The following RNGTT variants were observed in gnomAD, a reference collection of about 807,000 sequenced individuals.
RNGTT encodes the protein mRNA-capping enzyme.
In RNGTT, 33 loss-of-function variants were observed where a neutral mutation model predicts 79.3. The observed-to-expected ratio is 0.42, with a 90% CI of 0.32 to 0.56. RNGTT has a LOEUF of 0.56. RNGTT is among the 20% of genes least tolerant of loss of function. The pLI is 0.17. For synonymous variants in RNGTT, 222 were observed against 235.9 expected, an observed-to-expected ratio of 0.94 and a Z score of 0.54; for missense variants, 497 against 739.1, an observed-to-expected ratio of 0.67 and a Z score of 3.80.
At chr6:88,903,137 A>C (rs768509151) in intron 6 of RNGTT, among the ~76,000 whole-genome samples, 1 of 152,226 alleles carries the variant, frequency 6.6e-6, no homozygotes, top group Non-Finnish European at 1.5e-5. Context: ...AGAGTAAGAC[A>C]ATTTGAATCT....
chr6:88,915,754 A>T (rs940047643), intron 4 of RNGTT, among the ~76,000 whole-genome samples: 2 of 152,206 alleles, frequency 1.3e-5, no homozygotes, highest in Non-Finnish European at 2.9e-5. Flanking sequence ...CATGTTACCC[A>T]CTGAACCTAA....
intron 11 of RNGTT, among the ~76,000 whole-genome samples, chr6:88,843,400 C>T (rs1191362854): frequency 6.6e-6 from 1 of 151,898 alleles, no homozygotes; most frequent in Non-Finnish European, 1.5e-5. Flanking sequence ...ATGTATAGTA[C>T]ACCTTTACTA....
intron 11 of RNGTT, among the ~76,000 whole-genome samples, chr6:88,829,322 T>A (rs966463313): frequency 6.6e-6 from 1 of 152,062 alleles, no homozygotes; most frequent in Admixed American, 6.6e-5. Flanking sequence ...GACAAGCAAA[T>A]GCTGAGAGAT....
At chr6:88,958,955 T>G (rs1785523773) in intron 1 of RNGTT, among the ~76,000 whole-genome samples, 1 of 152,172 alleles carries the variant, frequency 6.6e-6, no homozygotes, top group African/African-American at 2.4e-5. Context: ...TGGAACCAGC[T>G]TAAATGCCCA....
chr6:88,739,755 ATATATATATATATATATATATATG>A (rs1777416131), intron 13 of RNGTT, among the ~76,000 whole-genome samples: 2 of 59,438 alleles, frequency 3.4e-5, no homozygotes, highest in Admixed American at 1.8e-4. Context: ...ATATATATAT[ATATATATATATATATATATATATG>A]TTAACACATG....
intron 6 of RNGTT, among the ~76,000 whole-genome samples, chr6:88,898,551 A>G (rs1783330245): frequency 6.6e-6 from 1 of 150,682 alleles, no homozygotes; most frequent in African/African-American, 2.4e-5. Context: ...GAAAGGTTCT[A>G]TTTGCTTTCT....
At chr6:88,716,616 A>G (rs1443524264) in intron 13 of RNGTT, among the ~76,000 whole-genome samples, 1 of 152,210 alleles carries the variant, frequency 6.6e-6, no homozygotes, top group Non-Finnish European at 1.5e-5. Flanking sequence ...GCACATATAC[A>G]CCATGGAATA....
intron 13 of RNGTT, among the ~76,000 whole-genome samples, chr6:88,699,996 A>G (rs1775891204): frequency 6.6e-6 from 1 of 152,164 alleles, no homozygotes; most frequent in Admixed American, 6.5e-5. Flanking sequence ...TGGAAAGTGA[A>G]AATAGTGGCA....
intron 8 of RNGTT, among the ~76,000 whole-genome samples, chr6:88,857,448 C>G (rs1781878571): frequency 6.6e-6 from 1 of 152,036 alleles, no homozygotes; most frequent in Non-Finnish European, 1.5e-5. Flanking sequence ...CACAGTCTAC[C>G]TGAATACACA....
At chr6:88,942,712 G>C (rs1435276955) in intron 1 of RNGTT, among the ~76,000 whole-genome samples, 1 of 152,136 alleles carries the variant, frequency 6.6e-6, no homozygotes, top group East Asian at 1.9e-4. Context: ...ATCTGCCTAA[G>C]TGAAGTCTTA....
intron 13 of RNGTT, among the ~76,000 whole-genome samples, chr6:88,741,157 G>T (rs185773364): frequency 6.6e-6 from 1 of 152,046 alleles, no homozygotes; most frequent in African/African-American, 2.4e-5. Flanking sequence ...CTTGTTCATC[G>T]TGGCACTATT....
rs1303688973 is a variant in RNGTT at position 88,771,315 on chromosome 6, G to GTGTGTGTGTGTA, written c.1339-1442_1339-1441insTACACACACACA. Among the ~76,000 whole-genome samples, 5 of 62,076 alleles carry GTGTGTGTGTGTA rather than the reference G, an allele frequency of 8.1e-5. No homozygotes were observed. The East Asian group carries it at 2.5e-3, about 31-fold the overall frequency. The allele number at this position is 62,076 out of a possible 152,430, so 40.7% of individuals were successfully genotyped here. A position where few individuals can be genotyped will look rare whatever the true frequency, so the allele number is the denominator to read the frequency against. On this transcript the variant is annotated intron_variant, in intron 12 of 15. Transcript: ENST00000369485. ...ACTGTATGTATGTATGTGTGTGTGT[G>GTGTGTGTGTGTA]TATATATATATATATATATATATAT...
At chr6:88,824,296 A>C (rs1310250855) in intron 11 of RNGTT, among the ~76,000 whole-genome samples, 1 of 152,210 alleles carries the variant, frequency 6.6e-6, no homozygotes, top group Admixed American at 6.5e-5. Context: ...CCTGTACAGC[A>C]TGTAACTATA....
chr6:88,862,261 C>T (rs1382083218), intron 8 of RNGTT, among the ~76,000 whole-genome samples: 1 of 152,090 alleles, frequency 6.6e-6, no homozygotes, highest in East Asian at 1.9e-4. Flanking sequence ...GGACTTTCAA[C>T]ACCACCCCAC....
chr6:88,913,804 A>G (rs537129080), intron 4 of RNGTT, among the ~76,000 whole-genome samples: 2 of 152,330 alleles, frequency 1.3e-5, no homozygotes, highest in Middle Eastern at 3.4e-3. Flanking sequence ...GAACCAGACA[A>G]GGATGCCCAC....
chr6:88,945,034 C>G (rs773239318), intron 1 of RNGTT, among the ~76,000 whole-genome samples: 11 of 152,336 alleles, frequency 7.2e-5, no homozygotes, highest in African/African-American at 2.6e-4. Context: ...GGTCCATCCA[C>G]GGCCTTGGTA....
At position 88,833,431 on chromosome 6, in the gene RNGTT, G is replaced by A. The variant is rs138904645; in HGVS notation, c.1269+10926C>T. Among the ~76,000 whole-genome samples the A allele has an allele frequency of 3.9e-3, 591 of 152,182 alleles. 4 individuals are homozygous for A. The highest frequency in any genetic ancestry group is 5.6e-3 in the Non-Finnish European group (379 of 68,000). ...CACATGGGGTCCTGTTGGGGGTTGG[G>A]GGCTATGGGAGGGATAGCATTAGGA... On this transcript the variant is annotated intron_variant, in intron 11 of 15. Coordinates refer to ENST00000369485, the MANE Select transcript of RNGTT (RefSeq NM_003800.5).
intron 13 of RNGTT, among the ~76,000 whole-genome samples, chr6:88,761,690 C>T (rs1426648856): frequency 2.6e-5 from 4 of 152,154 alleles, no homozygotes; most frequent in African/African-American, 7.2e-5. Context: ...CAGTCATGCT[C>T]ACTCATACAC....
intron 1 of RNGTT, among the ~76,000 whole-genome samples, chr6:88,955,199 C>T (rs1785386244): frequency 6.6e-6 from 1 of 151,946 alleles, no homozygotes; most frequent in South Asian, 2.1e-4. Flanking sequence ...AGTGACACAA[C>T]CTATCAAAAC....
Sources: gnomAD v4.1 joint callset for allele counts (sites outside exome capture counted in the v4.1 genomes callset) on GRCh38, gnomAD v4.1.1 for gene constraint, MANE v1.5 for transcripts, NCBI Gene and HGNC (gene_info 2026-07-23, HGNC 2026-07-21) for gene names.